EDEM1: variants seen among roughly 807,000 people sequenced by gnomAD.
EDEM1 encodes the protein ER degradation enhancing alpha-mannosidase like protein 1, also known as ER degradation-enhancing alpha-mannosidase-like protein 1.
Under a neutral mutation model 74.4 loss-of-function variants are expected in EDEM1, and 67 were observed. That is an observed-to-expected ratio of 0.90 (90% confidence interval 0.74 to 1.10). EDEM1 has a LOEUF of 1.10. EDEM1 is among the 50% of genes least tolerant of loss of function. The pLI is 0.00. For synonymous variants in EDEM1, 382 were observed against 335.9 expected (o/e 1.14, Z -1.50); for missense variants, 926 against 851.6 (o/e 1.09, Z -1.09).
chr3:5,213,769 G>C (rs1553594141), intron 11 of EDEM1, among the ~76,000 whole-genome samples: 2 of 152,154 alleles, frequency 1.3e-5, no homozygotes, highest in Non-Finnish European at 2.9e-5. Context: ...TCCTGGAAGG[G>C]GGGAGCCTTG....
At chr3:5,196,949 TGA>T (rs775979485) in intron 2 of EDEM1, among the ~76,000 whole-genome samples, 30 of 151,134 alleles carry the variant, frequency 2.0e-4, no homozygotes, top group Non-Finnish European at 3.7e-4. Context: ...TTTTTTTTTT[TGA>T]GAGAGTCTCG....
Position 5,205,848 on chromosome 3 carries a change from A to G in EDEM1, c.1217+607A>G, listed in dbSNP as rs532224835. On this transcript the variant is annotated intron_variant, in intron 6 of 11. Coordinates refer to ENST00000256497, the MANE Select transcript of EDEM1 (RefSeq NM_014674.3). ...TTAGTCACCCAGATCAAAATGATACATTCAGTGTGGGAGGGGGCTGTGCAA... is the reference window on the plus strand; with the variant it reads ...TTAGTCACCCAGATCAAAATGATACGTTCAGTGTGGGAGGGGGCTGTGCAA... 2.1e-4 allele frequency among the ~76,000 whole-genome samples: 32 copies of G among 151,794 alleles called. 1 individual carries two copies. The South Asian group carries it at 6.7e-3, about 32-fold the overall frequency.
At position 5,217,803 on chromosome 3, in the gene EDEM1, A is replaced by ACATGCATG. The variant is rs1215500632; in HGVS notation, c.*1892_*1899dup. The ACATGCATG allele has an allele frequency of 6.6e-6, 1 of 152,194 alleles. No homozygotes were observed. Among genetic ancestry groups the ACATGCATG allele is most frequent in the Non-Finnish European group, 1.5e-5 (1 of 68,036 alleles). The allele number at this position is 152,194 out of a possible 1,614,324, so 9.4% of individuals were successfully genotyped here. A position where few individuals can be genotyped will look rare whatever the true frequency, so the allele number is the denominator to read the frequency against. On this transcript the variant is annotated 3_prime_UTR_variant, in exon 12 of 12. Transcript: ENST00000256497. Reference sequence around the variant, plus strand: ...CTCATTGAAAATGTTAATTACACACACATGCATGCATGCACACACGAGCAT... The same window carrying ACATGCATG: ...CTCATTGAAAATGTTAATTACACACACATGCATGCATGCATGCATGCACACACGAGCAT...
At position 5,187,991 on chromosome 3, in the gene EDEM1, G is replaced by C. The variant is rs1559291185; in HGVS notation, c.186G>C (p.Arg62=). The part of the protein sequence containing the change: ...PASPTSGPVG[R]PGGVSGPSWL... The stretch of plus-strand genomic sequence containing the variant: ...CGCCCACCTCGGGGCCCGTGGGCCG[G>C]CCTGGGGGGGTATCCGGGCCGTCGT... Residue 62 remains arginine, a synonymous_variant, in exon 1 of 12, where the codon CGG becomes CGC. Coordinates refer to ENST00000256497, the MANE Select transcript of EDEM1 (RefSeq NM_014674.3). 2.6e-6 allele frequency: 4 copies of C among 1,520,652 alleles called. No homozygotes were observed. Among genetic ancestry groups the C allele is most frequent in the African/African-American group, 2.9e-5 (2 of 69,640 alleles). 94.2% of individuals were successfully genotyped at this position (1,520,652 alleles called of 1,614,324 possible).
At position 5,218,853 on chromosome 3, in the gene EDEM1, A is replaced by G. The variant is rs991744587; in HGVS notation, c.*2935A>G. 2 of 151,992 alleles carry G rather than the reference A, an allele frequency of 1.3e-5. No homozygotes were observed. Among genetic ancestry groups the G allele is most frequent in the South Asian group, 4.2e-4 (2 of 4,818 alleles). 9.4% of individuals were successfully genotyped at this position (151,992 alleles called of 1,614,324 possible). A position where few individuals can be genotyped will look rare whatever the true frequency, so the allele number is the denominator to read the frequency against. ...ATTCAAATCTTTCCTTCATTTTTTT[A>G]AATTTTTTTTTTGGCAGCGCTTGTG... On this transcript the variant is annotated 3_prime_UTR_variant, in exon 12 of 12. Transcript: ENST00000256497.
chr3:5,198,932 G>A (rs1013800262), intron 2 of EDEM1, among the ~76,000 whole-genome samples: 2 of 152,146 alleles, frequency 1.3e-5, no homozygotes, highest in Non-Finnish European at 2.9e-5. Flanking sequence ...ATAGGAGAGA[G>A]TGGCTTAGTG....
At chr3:5,198,123 C>A (rs902990839) in intron 2 of EDEM1, among the ~76,000 whole-genome samples, 1 of 151,934 alleles carries the variant, frequency 6.6e-6, no homozygotes, top group African/African-American at 2.4e-5. Flanking sequence ...CGGCTCACTG[C>A]ACCCTCCACC....
intron 5 of EDEM1, among the ~76,000 whole-genome samples, chr3:5,203,513 T>C (rs1205051729): frequency 6.6e-6 from 1 of 152,198 alleles, no homozygotes; most frequent in African/African-American, 2.4e-5. Context: ...CTTTTTCCTT[T>C]TAAAAAATCT....
intron 9 of EDEM1, among the ~76,000 whole-genome samples, chr3:5,210,714 G>A (rs986151178): frequency 1.4e-5 from 2 of 146,852 alleles, no homozygotes; most frequent in African/African-American, 5.0e-5. Context: ...CCTGCTGTAA[G>A]TTTTTTTTTT....
chr3:5,198,662 C>CTTTTTTTT (rs57260414), intron 2 of EDEM1, among the ~76,000 whole-genome samples: 4 of 75,158 alleles, frequency 5.3e-5, no homozygotes, highest in African/African-American at 1.4e-4. Context: ...ACGTATATAG[C>CTTTTTTTT]TTTTTTTTTT....
intron 2 of EDEM1, among the ~76,000 whole-genome samples, chr3:5,197,904 T>C (rs1244208095): frequency 1.3e-5 from 2 of 152,138 alleles, no homozygotes; most frequent in East Asian, 1.9e-4. Context: ...TTATACATTG[T>C]AGGGAGACAT....
intron 11 of EDEM1, among the ~76,000 whole-genome samples, chr3:5,214,348 C>T (rs1325212345): frequency 6.6e-6 from 1 of 152,140 alleles, no homozygotes; most frequent in Non-Finnish European, 1.5e-5. Flanking sequence ...TTAGGGGTGC[C>T]CTCTCATCGC....
intron 2 of EDEM1, among the ~76,000 whole-genome samples, chr3:5,197,295 G>A (rs899306074): frequency 2.0e-5 from 3 of 152,216 alleles, no homozygotes; most frequent in East Asian, 1.9e-4. Flanking sequence ...GAGAAATTCC[G>A]TATGTCTGGT....
intron 11 of EDEM1, among the ~76,000 whole-genome samples, chr3:5,214,042 A>G (rs2055200739): frequency 6.6e-6 from 1 of 152,242 alleles, no homozygotes; most frequent in African/African-American, 2.4e-5. Context: ...AGTGATGGTC[A>G]CGATGGTCCC....
intron 10 of EDEM1, among the ~76,000 whole-genome samples, chr3:5,213,052 T>A (rs898852929): frequency 1.3e-5 from 2 of 152,188 alleles, no homozygotes; most frequent in Non-Finnish European, 2.9e-5. Flanking sequence ...GGCCTTAGTT[T>A]CAGAATTTCT....
At chr3:5,207,755 G>A (rs531069869) in intron 7 of EDEM1, among the ~76,000 whole-genome samples, 22 of 152,244 alleles carry the variant, frequency 1.4e-4, no homozygotes, top group Admixed American at 3.9e-4. Flanking sequence ...TGATCTGCCC[G>A]CCTCAGCCTC....
Position 5,216,647 on chromosome 3 carries a change from A to G in EDEM1, c.*729A>G, listed in dbSNP as rs143083889. 6.5e-6 allele frequency: 1 copy of G among 152,786 alleles called. No individual in the cohort carries two copies. The highest frequency in any genetic ancestry group is 1.5e-5 in the Non-Finnish European group (1 of 68,038). The allele number at this position is 152,786 out of a possible 1,614,324, so 9.5% of individuals were successfully genotyped here. A position where few individuals can be genotyped will look rare whatever the true frequency, so the allele number is the denominator to read the frequency against. On this transcript the variant is annotated 3_prime_UTR_variant, in exon 12 of 12. Coordinates refer to ENST00000256497, the MANE Select transcript of EDEM1 (RefSeq NM_014674.3). ...CTCAAGTAATCTTTACAGTGTTACA[A>G]ATTATTTGCTTAAGAAGAATGGTCT... is the stretch of plus-strand genomic sequence containing the variant.
intron 3 of EDEM1, among the ~76,000 whole-genome samples, chr3:5,200,152 G>A (rs1393298518): frequency 2.0e-5 from 3 of 152,046 alleles, no homozygotes; most frequent in Non-Finnish European, 4.4e-5. Flanking sequence ...GGCTGGTCTC[G>A]AACTCCTGAC....
At chr3:5,190,079 T>TA (rs1424855021) in intron 1 of EDEM1, among the ~76,000 whole-genome samples, 1 of 133,584 alleles carries the variant, frequency 7.5e-6, no homozygotes, top group African/African-American at 3.9e-5. Flanking sequence ...TTTTTCTTTT[T>TA]AAATCAACAT....
Sources: allele counts gnomAD v4.1 joint callset (sites outside exome capture counted in the v4.1 genomes callset), GRCh38; gene constraint gnomAD v4.1.1; transcripts MANE v1.5; gene names NCBI Gene and HGNC (gene_info 2026-07-23, HGNC 2026-07-21).